The following KCNB2 variants were observed in gnomAD, a reference collection of about 807,000 sequenced individuals.
The protein encoded by KCNB2 is potassium voltage-gated channel subfamily B member 2, also known as delayed rectifier potassium channel protein.
KCNB2 carries 15 observed loss-of-function variants against 61.5 expected under a neutral mutation model. That is an observed-to-expected ratio of 0.24 (90% CI 0.16 to 0.38). The LOEUF (loss-of-function observed/expected upper bound fraction) is 0.38. KCNB2 is among the 10% of genes least tolerant of loss of function. KCNB2 has a pLI of 1.00. For missense variants in KCNB2, 828 were observed against 1,125.2 expected (o/e 0.74, Z 3.78); for synonymous variants, 457 against 446.0 (o/e 1.02, Z -0.31).
At chr8:72,556,434 A>G (rs181123134) in intron 1 of KCNB2, among the ~76,000 whole-genome samples, 5 of 152,230 alleles carry the variant, frequency 3.3e-5, no homozygotes, top group African/African-American at 1.2e-4. Context: ...ACACAGATGG[A>G]TGGTTAAAAA....
At chr8:72,721,790 A>G (rs1807554078) in intron 2 of KCNB2, among the ~76,000 whole-genome samples, 1 of 152,132 alleles carries the variant, frequency 6.6e-6, no homozygotes, top group Non-Finnish European at 1.5e-5. Context: ...TGACCCCAAA[A>G]AGCAAACATG....
At chr8:72,895,610 C>A (rs889058232) in intron 2 of KCNB2, among the ~76,000 whole-genome samples, 8 of 152,096 alleles carry the variant, frequency 5.3e-5, no homozygotes, top group Admixed American at 4.6e-4. Context: ...CAATAGGGAA[C>A]AAATGCAACA....
chr8:72,773,439 G>A (rs551774531), intron 2 of KCNB2, among the ~76,000 whole-genome samples: 1 of 152,108 alleles, frequency 6.6e-6, no homozygotes, highest in Non-Finnish European at 1.5e-5. Context: ...AGGCTGTGTG[G>A]GTCTCCTGAG....
At chr8:72,601,308 C>T (rs556795658) in intron 2 of KCNB2, among the ~76,000 whole-genome samples, 48 of 152,138 alleles carry the variant, frequency 3.2e-4, no homozygotes, top group African/African-American at 1.0e-3. Context: ...AAAGACAAAA[C>T]TTTAGTAATT....
intron 2 of KCNB2, among the ~76,000 whole-genome samples, chr8:72,790,884 A>T (rs1455271831): frequency 1.3e-5 from 2 of 152,220 alleles, no homozygotes; most frequent in African/African-American, 4.8e-5. Flanking sequence ...GAATGCTTTC[A>T]TATACTCTTT....
chr8:72,908,986 G>C (rs942086556), intron 2 of KCNB2, among the ~76,000 whole-genome samples: 1 of 152,184 alleles, frequency 6.6e-6, no homozygotes, highest in Non-Finnish European at 1.5e-5. Flanking sequence ...GACAGTTTCA[G>C]CAAGATTGGA....
At chr8:72,863,948 A>G (rs10106050) in intron 2 of KCNB2, among the ~76,000 whole-genome samples, 129,932 of 152,188 alleles carry the variant, frequency 0.85, 56,431 homozygotes, top group Middle Eastern at 0.97. Context: ...AGGTTGCAGT[A>G]AACCAAGATG....
chr8:72,928,199 T>C (rs1585981427), intron 2 of KCNB2, among the ~76,000 whole-genome samples: 2 of 150,848 alleles, frequency 1.3e-5, no homozygotes, highest in South Asian at 4.2e-4. Flanking sequence ...TTCTTTTTTT[T>C]TTTTTTTTTT....
intron 2 of KCNB2, among the ~76,000 whole-genome samples, chr8:72,582,033 C>A (rs1806907368): frequency 6.6e-6 from 1 of 152,052 alleles, no homozygotes; most frequent in Admixed American, 6.6e-5. Context: ...GGTCCTAGGC[C>A]CCAAGTGGAG....
At chr8:72,777,599 A>C (rs901428134) in intron 2 of KCNB2, among the ~76,000 whole-genome samples, 1 of 152,196 alleles carries the variant, frequency 6.6e-6, no homozygotes, top group Non-Finnish European at 1.5e-5. Context: ...TTTTCTAAGA[A>C]TTTCCAGAAT....
intron 2 of KCNB2, among the ~76,000 whole-genome samples, chr8:72,801,283 C>G (rs906757923): frequency 6.6e-6 from 1 of 152,168 alleles, no homozygotes. Flanking sequence ...ATCTTTATTG[C>G]TAGCAGTGTC....
At chr8:72,588,289 G>T (rs1214772486) in intron 2 of KCNB2, among the ~76,000 whole-genome samples, 1 of 149,680 alleles carries the variant, frequency 6.7e-6, no homozygotes. Context: ...CGTGATCTTG[G>T]CTCACCGCAT....
At chr8:72,662,051 C>T (rs1277832215) in intron 2 of KCNB2, among the ~76,000 whole-genome samples, 1 of 152,170 alleles carries the variant, frequency 6.6e-6, no homozygotes, top group Non-Finnish European at 1.5e-5. Flanking sequence ...CCTTGAAAGG[C>T]AGAAATTCCA....
At chr8:72,658,048 A>T (rs1045829150) in intron 2 of KCNB2, among the ~76,000 whole-genome samples, 1 of 152,176 alleles carries the variant, frequency 6.6e-6, no homozygotes, top group African/African-American at 2.4e-5. Context: ...ATGGCCTCTA[A>T]GTGTTCAAGT....
intron 1 of KCNB2, among the ~76,000 whole-genome samples, chr8:72,545,717 A>G (rs1806248589): frequency 6.6e-6 from 1 of 152,196 alleles, no homozygotes; most frequent in South Asian, 2.1e-4. Context: ...ATCAAAAGCT[A>G]GAAAGGATTA....
At chr8:72,739,765 G>T (rs1439206665) in intron 2 of KCNB2, among the ~76,000 whole-genome samples, 2 of 152,076 alleles carry the variant, frequency 1.3e-5, no homozygotes, top group Admixed American at 1.3e-4. Flanking sequence ...AGGAAGCTTT[G>T]GAAGAAATAG....
At chr8:72,824,485 C>T (rs1032894668) in intron 2 of KCNB2, among the ~76,000 whole-genome samples, 3 of 152,038 alleles carry the variant, frequency 2.0e-5, no homozygotes, top group Non-Finnish European at 4.4e-5. Context: ...GCCACCAGAC[C>T]GCTGCTGCTG....
At chr8:72,735,938 A>C (rs1476525521) in intron 2 of KCNB2, among the ~76,000 whole-genome samples, 7 of 152,200 alleles carry the variant, frequency 4.6e-5, no homozygotes, top group Non-Finnish European at 7.3e-5. Context: ...ACAAGTTGAT[A>C]GACAAGTTGT....
At chr8:72,743,297 G>A (rs569953747) in intron 2 of KCNB2, among the ~76,000 whole-genome samples, 4 of 152,252 alleles carry the variant, frequency 2.6e-5, no homozygotes, top group African/African-American at 4.8e-5. Context: ...GTCCATAATC[G>A]AGTTATAAAT....
Sources: gnomAD v4.1 joint callset for allele counts (sites outside exome capture counted in the v4.1 genomes callset) on GRCh38, gnomAD v4.1.1 for gene constraint, MANE v1.5 for transcripts, NCBI Gene and HGNC (gene_info 2026-07-23, HGNC 2026-07-21) for gene names.